Variants in FBXL7 observed in about 807,000 individuals in gnomAD.
FBXL7 encodes F-box and leucine rich repeat protein 7.
A neutral mutation model predicts 38.3 loss-of-function variants in FBXL7; 12 were observed. That is an observed-to-expected ratio of 0.31 (90% CI 0.20 to 0.51). The LOEUF (loss-of-function observed/expected upper bound fraction) is 0.51, where lower values mean the gene tolerates loss of function less well. Ranked by LOEUF, FBXL7 falls within the 20% of genes least tolerant of loss-of-function variation. FBXL7 has a pLI of 0.98. For synonymous variants in FBXL7, 297 were observed against 300.9 expected, an observed-to-expected ratio of 0.99 and a Z score of 0.13; for missense variants, 567 against 676.4, an observed-to-expected ratio of 0.84 and a Z score of 1.79.
At chr5:15,519,742 A>G (rs970172460) in intron 1 of FBXL7, among the ~76,000 whole-genome samples, 1 of 152,180 alleles carries the variant, frequency 6.6e-6, no homozygotes, top group African/African-American at 2.4e-5. Context: ...GAAATAGTGT[A>G]TTGGTATGAT....
chr5:15,503,583 G>A (rs1736560452), intron 1 of FBXL7, among the ~76,000 whole-genome samples: 1 of 152,156 alleles, frequency 6.6e-6, no homozygotes, highest in African/African-American at 2.4e-5. Flanking sequence ...CCTTACTTCC[G>A]ATTTTTGTAT....
chr5:15,665,547 G>T (rs566105067), intron 2 of FBXL7, among the ~76,000 whole-genome samples: 1 of 152,220 alleles, frequency 6.6e-6, no homozygotes, highest in East Asian at 1.9e-4. Flanking sequence ...GGGAACACTT[G>T]CAACTTTCTA....
chr5:15,797,239 C>A (rs1737439076), intron 2 of FBXL7, among the ~76,000 whole-genome samples: 3 of 152,154 alleles, frequency 2.0e-5, no homozygotes, highest in East Asian at 3.9e-4. Context: ...TAAAATAGGT[C>A]ATCAAGTCCC....
intron 2 of FBXL7, among the ~76,000 whole-genome samples, chr5:15,761,832 C>A (rs914873671): frequency 1.7e-4 from 26 of 152,334 alleles, no homozygotes; most frequent in African/African-American, 5.8e-4. Context: ...GCCACCATGT[C>A]AGGCTGAAAA....
In FBXL7 at chr5:15,640,220, G is replaced by A. The variant is rs983460097; in HGVS notation, c.127+24148G>A. On this transcript the variant is annotated intron_variant, in intron 2 of 3. Transcript: ENST00000504595. ...ATCAGAAATCAAGGTGGCAGCAGCCGTCTTCCCTTTGAGGATCTGTAGGGA... is the reference window on the plus strand; with the variant it reads ...ATCAGAAATCAAGGTGGCAGCAGCCATCTTCCCTTTGAGGATCTGTAGGGA... 1.2e-4 allele frequency among the ~76,000 whole-genome samples: 18 copies of A among 152,246 alleles called. No homozygotes were observed. In the East Asian group the frequency reaches 1.5e-3, roughly 13 times the overall value.
rs955659921 is a variant in FBXL7, at chr5:15,514,913, C to T, written c.37+14200C>T. Among the ~76,000 whole-genome samples, 6 of 152,302 alleles carry T rather than the reference C, an allele frequency of 3.9e-5. No individual in the cohort carries two copies. The East Asian group carries it at 9.7e-4, about 25-fold the overall frequency. On this transcript the variant is annotated intron_variant, in intron 1 of 3. Transcript: ENST00000504595. Reference sequence around the variant, plus strand: ...CTGAAGGGTCATTTTGGGTCCAGAGCGCCCCATGGAGTTTGCAGAGTCCCA... The same window carrying T: ...CTGAAGGGTCATTTTGGGTCCAGAGTGCCCCATGGAGTTTGCAGAGTCCCA...
chr5:15,614,109 C>T (rs1437163896), intron 1 of FBXL7, among the ~76,000 whole-genome samples: 1 of 152,112 alleles, frequency 6.6e-6, no homozygotes, highest in East Asian at 1.9e-4. Context: ...CATAAACATT[C>T]AGTTCATTGC....
chr5:15,556,837 A>G (rs1416527095), intron 1 of FBXL7, among the ~76,000 whole-genome samples: 2 of 152,170 alleles, frequency 1.3e-5, no homozygotes, highest in Non-Finnish European at 2.9e-5. Flanking sequence ...TCTGATCTTG[A>G]TGATATCAAG....
In FBXL7 at chr5:15,610,844, A is replaced by T. The variant is rs190928901; in HGVS notation, c.38-5139A>T. 4.6e-3 allele frequency among the ~76,000 whole-genome samples: 700 copies of T among 152,220 alleles called. 3 individuals are homozygous for T. The highest frequency in any genetic ancestry group is 7.9e-3 in the Non-Finnish European group (538 of 68,006). ...ATTATTTTATTTAATTTTCACAATA[A>T]CCCTATGAGGCAGGAATTGACCCTC... On this transcript the variant is annotated intron_variant, in intron 1 of 3. Coordinates refer to ENST00000504595, the MANE Select transcript of FBXL7 (RefSeq NM_012304.5).
At chr5:15,801,634 AGTGTGT>A (rs71605509) in intron 2 of FBXL7, among the ~76,000 whole-genome samples, 3 of 147,788 alleles carry the variant, frequency 2.0e-5, no homozygotes, top group African/African-American at 7.6e-5. Flanking sequence ...AGGGGGAGTC[AGTGTGT>A]GTGTGTGTGT....
At chr5:15,526,099 A>G (rs906016301) in intron 1 of FBXL7, among the ~76,000 whole-genome samples, 7 of 152,132 alleles carry the variant, frequency 4.6e-5, no homozygotes, top group Admixed American at 1.3e-4. Flanking sequence ...GGGTGGGGTG[A>G]AAGAGGGACT....
chr5:15,685,504 G>C (rs142341080), intron 2 of FBXL7, among the ~76,000 whole-genome samples: 2 of 152,158 alleles, frequency 1.3e-5, no homozygotes, highest in Non-Finnish European at 2.9e-5. Context: ...ATGGAACCTA[G>C]TATAGTTCAG....
Position 15,634,313 on chromosome 5 carries a change from CTTTTTTT to C in FBXL7, c.127+18259_127+18265del, listed in dbSNP as rs57823645. On this transcript the variant is annotated intron_variant, in intron 2 of 3. Transcript: ENST00000504595. ...AACCTAAAACTTTATATGTTCGTTT[CTTTTTTT>C]TTTTTTTTTTTTTTTTTAAAAGACA... 5.9e-3 allele frequency among the ~76,000 whole-genome samples: 660 copies of C among 112,272 alleles called. 5 individuals carry two copies. Among genetic ancestry groups the C allele is most frequent in the African/African-American group, 0.02 (609 of 31,188 alleles). 73.7% of individuals were successfully genotyped at this position (112,272 alleles called of 152,430 possible).
chr5:15,545,977 T>G (rs1454306485), intron 1 of FBXL7, among the ~76,000 whole-genome samples: 1 of 152,192 alleles, frequency 6.6e-6, no homozygotes, highest in East Asian at 1.9e-4. Context: ...AGAATCAAGA[T>G]GTAATACACA....
intron 1 of FBXL7, among the ~76,000 whole-genome samples, chr5:15,537,781 C>G (rs1345008231): frequency 6.6e-6 from 1 of 152,218 alleles, no homozygotes; most frequent in Non-Finnish European, 1.5e-5. Flanking sequence ...ATGTAAGTCT[C>G]CCATGAGCAG....
At chr5:15,614,250 C>T (rs1298618175) in intron 1 of FBXL7, among the ~76,000 whole-genome samples, 3 of 148,480 alleles carry the variant, frequency 2.0e-5, no homozygotes, top group African/African-American at 4.9e-5. Flanking sequence ...CAATAGCTTG[C>T]GTTCTTTTCT....
chr5:15,810,680 AG>A (rs1459113149), intron 2 of FBXL7, among the ~76,000 whole-genome samples: 1 of 152,134 alleles, frequency 6.6e-6, no homozygotes, highest in African/African-American at 2.4e-5. Flanking sequence ...GTCCATTGAA[AG>A]CTGTTATATT....
intron 2 of FBXL7, among the ~76,000 whole-genome samples, chr5:15,692,553 A>G (rs1352842914): frequency 6.6e-6 from 1 of 152,142 alleles, no homozygotes; most frequent in African/African-American, 2.4e-5. Flanking sequence ...TAACTGGAAA[A>G]GCCAGTAAAC....
In FBXL7 at chr5:15,939,192, G is replaced by A. The variant is rs1216736437; in HGVS notation, c.*2006G>A. Reference sequence around the variant, plus strand: ...ATGTGTAATCAAGGCTCTGTGCCATGGGGGAAATGAATCATTTAGCTAGGC... The same window carrying A: ...ATGTGTAATCAAGGCTCTGTGCCATAGGGGAAATGAATCATTTAGCTAGGC... On this transcript the variant is annotated 3_prime_UTR_variant, in exon 4 of 4. Coordinates refer to ENST00000504595, the MANE Select transcript of FBXL7 (RefSeq NM_012304.5). 9 of 396,802 alleles carry A rather than the reference G, an allele frequency of 2.3e-5. No individual in the cohort carries two copies. Among genetic ancestry groups the A allele is most frequent in the Non-Finnish European group, 4.0e-5 (9 of 225,166 alleles). 24.6% of individuals were successfully genotyped at this position (396,802 alleles called of 1,614,324 possible).
Sources: allele counts gnomAD v4.1 joint callset (sites outside exome capture counted in the v4.1 genomes callset), GRCh38; gene constraint gnomAD v4.1.1; transcripts MANE v1.5; gene names NCBI Gene and HGNC (gene_info 2026-07-23, HGNC 2026-07-21).